Variants in GART observed in about 807,000 individuals in gnomAD.
The protein encoded by GART is trifunctional purine biosynthetic protein adenosine-3.
GART carries 43 observed loss-of-function variants against 107.2 expected under a neutral mutation model. The ratio of observed to expected loss-of-function variants is 0.40; its 90% CI spans 0.31 to 0.52. GART has a LOEUF of 0.52. Ranked by LOEUF, GART falls within the 20% of genes least tolerant of loss-of-function variation. GART has a pLI of 0.52. For synonymous variants in GART, 434 were observed against 427.0 expected (o/e 1.02, Z -0.20); for missense variants, 1,107 against 1,206.5 (o/e 0.92, Z 1.22).
At chr21:33,524,589 T>C (rs2085033692) in intron 11 of GART, 180 bp downstream of exon 11, 3 of 976,718 alleles carry the variant, frequency 3.1e-6, no homozygotes, top group African/African-American at 7.4e-5. Flanking sequence ...ATCATGAAGT[T>C]TTTTCCATTT....
chr21:33,534,770 T>C lies in GART; in HGVS notation c.242-17A>G. The C allele has an allele frequency of 6.5e-7, 1 of 1,539,000 alleles. No homozygotes were observed. Among genetic ancestry groups the C allele is most frequent in the Non-Finnish European group, 8.7e-7 (1 of 1,148,326 alleles). On this transcript the variant is annotated splice_polypyrimidine_tract_variant and intron_variant, in intron 3 of 21. Transcript: ENST00000381815. ...CAACAATCCCTATTGATGAAAACAG[T>C]AGCCTTAGGTGAACCAAGGTCTCCC...
chr21:33,518,723 A>C (rs546305962), intron 14 of GART: 11 of 444,676 alleles, frequency 2.5e-5, no homozygotes, highest in Non-Finnish European at 4.4e-5. Context: ...TACAAGATCT[A>C]GAACTTCATC....
In GART at chr21:33,520,540, T is replaced by C. The variant is rs370280197; in HGVS notation, c.1526A>G (p.His509Arg). ...TACCAAATCTTGACCAATGGTATCA[T>C]GTTTATTGCATAGCTGGGCAATCTA... ...KLKIAQLCNK[H>R]DTIGQDLVAM... The change falls in exon 14 of 22, where the codon CAT (histidine) becomes CGT (arginine). Residue 509 changes from histidine to arginine, a missense_variant. Coordinates refer to ENST00000381815, the MANE Select transcript of GART (RefSeq NM_000819.5). The C allele has an allele frequency of 4.3e-6, 7 of 1,614,022 alleles. No individual in the cohort carries two copies. In the African/African-American group the frequency reaches 5.3e-5, roughly 12 times the overall value.
At chr21:33,540,809 G>A (rs2085399176) in intron 1 of GART, among the ~76,000 whole-genome samples, 2 of 152,092 alleles carry the variant, frequency 1.3e-5, no homozygotes, top group Non-Finnish European at 2.9e-5. Flanking sequence ...ATTTTTTTGA[G>A]CACTTAACCT....
At chr21:33,530,930 TAA>T in intron 6 of GART, 46 bp from the exon 7 acceptor site, 32 of 1,256,256 alleles carry the variant, frequency 2.5e-5, no homozygotes, top group South Asian at 1.4e-4. Flanking sequence ...TGTCAAAAAC[TAA>T]AAAAAAAAAT....
chr21:33,530,996 T>G, intron 6 of GART, 112 bp from the exon 7 acceptor site: 1 of 1,040,874 alleles, frequency 9.6e-7, no homozygotes, highest in South Asian at 2.9e-5. Context: ...AAGTTTGTTT[T>G]TTTTTTTGCA....
chr21:33,513,233 G>A (rs1601182609), intron 16 of GART, among the ~76,000 whole-genome samples: 1 of 151,852 alleles, frequency 6.6e-6, no homozygotes, highest in Non-Finnish European at 1.5e-5. Flanking sequence ...CCGAAGTGCT[G>A]GAATTACAGG....
Position 33,539,098 on chromosome 21 carries a change from G to A in GART, c.145+73C>T, listed in dbSNP as rs1401323393. On this transcript the variant is annotated intron_variant, in intron 2 of 21. Coordinates refer to ENST00000381815, the MANE Select transcript of GART (RefSeq NM_000819.5). The stretch of plus-strand genomic sequence containing the variant: ...CCCAGCCTATCTTTATTAACATAAA[G>A]TACAGATATGGTTGACAGCATACCA... The A allele has an allele frequency of 7.0e-6, 10 of 1,436,424 alleles. No individual in the cohort carries two copies. The East Asian group carries it at 2.3e-4, about 33-fold the overall frequency. The allele number at this position is 1,436,424 out of a possible 1,614,324, so 89.0% of individuals were successfully genotyped here.
rs1006744899 is a variant in GART, at chr21:33,504,045, C to T, written c.*79G>A. ...GTCTTTTAGCAGTTTTTCTTTTGGG[C>T]CAAGTCCATGATAAAAAACCACCAT... is the stretch of plus-strand genomic sequence containing the variant. On this transcript the variant is annotated 3_prime_UTR_variant, in exon 22 of 22. Transcript: ENST00000381815. The T allele has an allele frequency of 1.5e-6, 2 of 1,343,134 alleles. No individual in the cohort carries two copies. The highest frequency in any genetic ancestry group is 2.0e-6 in the Non-Finnish European group (2 of 989,502). The allele number at this position is 1,343,134 out of a possible 1,614,324, so 83.2% of individuals were successfully genotyped here.
intron 7 of GART, 29 bp from the exon 8 acceptor site, chr21:33,528,966 T>C (rs1336037045): frequency 4.1e-6 from 6 of 1,451,906 alleles, no homozygotes; most frequent in East Asian, 4.5e-5. Flanking sequence ...CAGTTAAATG[T>C]AACAGGTAAC....
At position 33,535,220 on chromosome 21, in the gene GART, T is replaced by C. The variant is rs2085280453; in HGVS notation, c.241+5A>G. 2 of 1,563,632 alleles carry C rather than the reference T, an allele frequency of 1.3e-6. No homozygotes were observed. The highest frequency in any genetic ancestry group is 1.7e-6 in the Non-Finnish European group (2 of 1,158,556). ...ACTGTAACAATAAACAGAAACAAAC[T>C]TTACCAGCAGCCAGAGGTGCTTCTG... On this transcript the variant is annotated splice_donor_5th_base_variant and intron_variant, in intron 3 of 21. Transcript: ENST00000381815.
chr21:33,534,827 A>G, intron 3 of GART, 74 bp from the exon 4 acceptor site: 1 of 1,280,790 alleles, frequency 7.8e-7, no homozygotes, highest in South Asian at 1.5e-5. Context: ...ACGAATTAGT[A>G]TCAGACTATA....
intron 11 of GART, chr21:33,524,349 G>C (rs1351516415): frequency 2.4e-6 from 2 of 836,424 alleles, no homozygotes; most frequent in East Asian, 2.5e-4. Flanking sequence ...CAGGATTTCA[G>C]ACTGGCCTTG....
intron 11 of GART, 165 bp downstream of exon 11, chr21:33,524,604 A>T (rs1020047406): frequency 3.2e-5 from 31 of 957,894 alleles, no homozygotes; most frequent in Middle Eastern, 7.0e-4. Flanking sequence ...CCATTTGAGT[A>T]TTGCTATAAC....
At position 33,532,345 on chromosome 21, in the gene GART, C is replaced by T. The variant is rs752905836; in HGVS notation, c.528G>A (p.Gln176=). The T allele has an allele frequency of 1.2e-6, 2 of 1,610,442 alleles. No individual in the cohort carries two copies. Among genetic ancestry groups the T allele is most frequent in the East Asian group, 2.2e-5 (1 of 44,880 alleles). ...AATTTTTTCAGAAGACCCAGCCTACCTGCATGATCTCTTGTACAGCTTTGC... is the reference window on the plus strand; with the variant it reads ...AATTTTTTCAGAAGACCCAGCCTACTTGCATGATCTCTTGTACAGCTTTGC... ...EACKAVQEIM[Q]EKAFGAAGET... The change falls in exon 5 of 22, where the codon CAG becomes CAA. Residue 176 remains glutamine (Q), a splice_region_variant and synonymous_variant. Coordinates refer to ENST00000381815, the MANE Select transcript of GART (RefSeq NM_000819.5).
intron 10 of GART, among the ~76,000 whole-genome samples, chr21:33,526,064 T>C (rs2145728718): frequency 6.6e-6 from 1 of 151,866 alleles, no homozygotes; most frequent in South Asian, 2.1e-4. Context: ...AGAGACAGGG[T>C]TTCACCGTGT....
At position 33,504,128 on chromosome 21, in the gene GART, T is replaced by G; in HGVS notation, c.3029A>C (p.Glu1010Ala). ...ENGKICWVKE[E>A] ...CCATTTCTGAATTAAAAGGCTTCAT[T>G]CCTCTTTAACCCAACAGATCTTGCC... The change falls in exon 22 of 22, where the codon GAA becomes GCA. Residue 1010 changes from glutamate (E) to alanine (A), a missense_variant. By Grantham distance (107) the Glu-to-Ala change is moderately radical. Coordinates refer to ENST00000381815, the MANE Select transcript of GART (RefSeq NM_000819.5). 6.2e-7 allele frequency: 1 copy of G among 1,603,234 alleles called. No individual in the cohort carries two copies. The highest frequency in any genetic ancestry group is 8.5e-7 in the Non-Finnish European group (1 of 1,173,792).
rs2085188154 is a variant in GART at position 33,531,520 on chromosome 21, A to G, written c.566T>C (p.Ile189Thr). 2.5e-6 allele frequency: 4 copies of G among 1,613,074 alleles called. No homozygotes were observed. Among genetic ancestry groups the G allele is most frequent in the South Asian group, 2.2e-5 (2 of 90,928 alleles). Reference sequence around the variant, plus strand: ...CTCTTCTCCGTCAAGAAGTTCTTCAATGACAATTGTTTCTCCAGCTGCCCC... The same window carrying G: ...CTCTTCTCCGTCAAGAAGTTCTTCAGTGACAATTGTTTCTCCAGCTGCCCC... ...AFGAAGETIV[I>T]EELLDGEEVS... is the part of the protein sequence containing the mutation. The change falls in exon 6 of 22, where the codon ATT becomes ACT. Residue 189 changes from isoleucine to threonine, a missense_variant. Transcript: ENST00000381815.
intron 7 of GART, among the ~76,000 whole-genome samples, chr21:33,530,112 A>G (rs1179604087): frequency 6.6e-6 from 1 of 152,208 alleles, no homozygotes; most frequent in African/African-American, 2.4e-5. Flanking sequence ...GAATCACTTG[A>G]ACCCAGGAGG....
Sources: allele counts gnomAD v4.1 joint callset (sites outside exome capture counted in the v4.1 genomes callset), GRCh38; gene constraint gnomAD v4.1.1; transcripts MANE v1.5; gene names NCBI Gene and HGNC (gene_info 2026-07-23, HGNC 2026-07-21).